Variants in CEP97 observed in about 807,000 individuals in gnomAD.
CEP97 encodes the protein centrosomal protein 97.
CEP97 carries 43 observed loss-of-function variants against 73.1 expected under a neutral mutation model. The ratio of observed to expected loss-of-function variants is 0.59; its 90% CI spans 0.46 to 0.76. The LOEUF (loss-of-function observed/expected upper bound fraction) is 0.76, where lower values mean the gene tolerates loss of function less well. CEP97 is among the 30% of genes least tolerant of loss of function. The pLI is 0.00. For synonymous variants in CEP97, 337 were observed against 370.0 expected (o/e 0.91, Z 1.02); for missense variants, 939 against 1,014.0 (o/e 0.93, Z 1.00).
Position 101,731,929 on chromosome 3 carries a change from AAATG to A in CEP97, c.540_543del (p.Asn180LysfsTer5), listed in dbSNP as rs1560009017. 1 of 1,604,244 alleles carries A rather than the reference AAATG, an allele frequency of 6.2e-7. No individual in the cohort carries two copies. The highest frequency in any genetic ancestry group is 2.2e-5 in the East Asian group (1 of 44,798). On this transcript the variant is annotated frameshift_variant, in exon 5 of 11. Coordinates refer to ENST00000341893, the MANE Select transcript of CEP97 (RefSeq NM_024548.4). LOFTEE classifies it high-confidence loss of function. The stretch of plus-strand genomic sequence containing the variant: ...GTCTTGCTATACTTTCTTTGGCAGA[AAATG>A]AAATCCGAGACTTAAATGAGGTAAA...
At chr3:101,741,682 G>C (rs1938459026) in intron 6 of CEP97, among the ~76,000 whole-genome samples, 1 of 152,138 alleles carries the variant, frequency 6.6e-6, no homozygotes, top group Admixed American at 6.6e-5. Flanking sequence ...CTGGTCATTA[G>C]AGAAATGCAA....
At chr3:101,755,642 CCT>C in intron 7 of CEP97, 48 bp downstream of exon 7, 1 of 1,574,910 alleles carries the variant, frequency 6.3e-7, no homozygotes, top group East Asian at 2.2e-5. Context: ...AGTTAAAATA[CCT>C]CTGAGTCTTT....
Position 101,726,814 on chromosome 3 carries a change from A to G in CEP97, c.186+78A>G. On this transcript the variant is annotated intron_variant, in intron 2 of 10. Transcript: ENST00000341893. ...AAAACAATAAAATAACCTGACAAAAAGTAACTGTGCAGCCCTAGCAAGCAG... is the reference window on the plus strand; with the variant it reads ...AAAACAATAAAATAACCTGACAAAAGGTAACTGTGCAGCCCTAGCAAGCAG... The G allele has an allele frequency of 4.5e-6, 5 of 1,113,138 alleles. No homozygotes were observed. In the South Asian group the frequency reaches 8.3e-5, roughly 18 times the overall value. The allele number at this position is 1,113,138 out of a possible 1,614,324, so 69.0% of individuals were successfully genotyped here. A position where few individuals can be genotyped will look rare whatever the true frequency, so the allele number is the denominator to read the frequency against.
At chr3:101,760,553 G>A (rs2611840) in intron 9 of CEP97, among the ~76,000 whole-genome samples, 149,427 of 152,138 alleles carry the variant, frequency 0.98, 73,424 homozygotes, top group East Asian at 0.99. Flanking sequence ...GATTTTATAT[G>A]TTTTTTGAGA....
chr3:101,753,810 C>T (rs1326515913), intron 6 of CEP97, among the ~76,000 whole-genome samples: 1 of 152,200 alleles, frequency 6.6e-6, no homozygotes, highest in African/African-American at 2.4e-5. Flanking sequence ...ATCTGTCACC[C>T]CTTTCTTTGA....
chr3:101,732,958 CA>C (rs35126588), intron 6 of CEP97, among the ~76,000 whole-genome samples: 208 of 133,656 alleles, frequency 1.6e-3, no homozygotes, highest in Admixed American at 1.7e-3. Context: ...GACCACATCT[CA>C]AAAAAAAAAA....
intron 6 of CEP97, among the ~76,000 whole-genome samples, chr3:101,738,135 A>G (rs976065720): frequency 6.6e-6 from 1 of 152,150 alleles, no homozygotes; most frequent in Admixed American, 6.6e-5. Flanking sequence ...GATCAATGGA[A>G]CAAGAAGAGC....
chr3:101,733,423 T>A (rs1022801243), intron 6 of CEP97, among the ~76,000 whole-genome samples: 7 of 152,172 alleles, frequency 4.6e-5, no homozygotes, highest in African/African-American at 1.4e-4. Context: ...ATCTTAGAAT[T>A]CTCCAAATAC....
At chr3:101,730,955 A>ATTT (rs531615738) in intron 4 of CEP97, among the ~76,000 whole-genome samples, 2 of 139,520 alleles carry the variant, frequency 1.4e-5, no homozygotes, top group African/African-American at 2.6e-5. Context: ...AGATGATTGA[A>ATTT]TTTTTTTTTT....
intron 3 of CEP97, 150 bp from the exon 4 acceptor site, chr3:101,728,686 A>G: frequency 1.6e-6 from 1 of 610,198 alleles, no homozygotes; most frequent in East Asian, 2.8e-5. Context: ...AAATTCTGTT[A>G]GTACTGCCCC....
chr3:101,758,570 C>G (rs932385990), intron 9 of CEP97, 147 bp downstream of exon 9: 1 of 946,840 alleles, frequency 1.1e-6, no homozygotes, highest in Non-Finnish European at 1.6e-6. Context: ...TACAGTGTAC[C>G]GAAAGCATCT....
At chr3:101,732,112 T>C (rs1938132680) in intron 5 of CEP97, among the ~76,000 whole-genome samples, 159 bp downstream of exon 5, 1 of 152,204 alleles carries the variant, frequency 6.6e-6, no homozygotes, top group Non-Finnish European at 1.5e-5. Flanking sequence ...TTCCTTAGTG[T>C]CAGTGGGTCA....
chr3:101,726,835 AG>A, intron 2 of CEP97, 99 bp downstream of exon 2: 1 of 845,222 alleles, frequency 1.2e-6, no homozygotes, highest in Non-Finnish European at 1.8e-6. Flanking sequence ...AGCCCTAGCA[AG>A]CAGTCATTGT....
chr3:101,753,047 G>A (rs1308054541), intron 6 of CEP97, among the ~76,000 whole-genome samples: 1 of 152,168 alleles, frequency 6.6e-6, no homozygotes, highest in Non-Finnish European at 1.5e-5. Context: ...GGTCTTCGAT[G>A]ATGGTGATGT....
At chr3:101,730,962 T>C (rs1013607587) in intron 4 of CEP97, among the ~76,000 whole-genome samples, 55 of 152,006 alleles carry the variant, frequency 3.6e-4, no homozygotes, top group Non-Finnish European at 5.4e-4. Flanking sequence ...TGAATTTTTT[T>C]TTTTTTTTTT....
rs747865055 is a variant in CEP97, at chr3:101,758,160, A to G, written c.1554A>G (p.Pro518=). ...AGAAACAATCAGACATAAAGAAACC[A>G]GAAAATACACAACCAGAAAATAAAG... ...TEQKQSDIKK[P]ENTQPENKET... Residue 518 remains proline, a synonymous_variant, in exon 9 of 11, where the codon CCA becomes CCG. Coordinates refer to ENST00000341893, the MANE Select transcript of CEP97 (RefSeq NM_024548.4). The G allele has an allele frequency of 8.7e-6, 14 of 1,613,720 alleles. No homozygotes were observed. Among genetic ancestry groups the G allele is most frequent in the African/African-American group, 1.3e-5 (1 of 74,948 alleles).
chr3:101,737,882 G>C (rs1048861565), intron 6 of CEP97, among the ~76,000 whole-genome samples: 2 of 151,946 alleles, frequency 1.3e-5, no homozygotes, highest in South Asian at 2.1e-4. Context: ...CCAATTAAAA[G>C]ACATAGACTG....
chr3:101,760,443 G>A (rs1201480133), intron 9 of CEP97, among the ~76,000 whole-genome samples: 2 of 152,180 alleles, frequency 1.3e-5, no homozygotes, highest in African/African-American at 2.4e-5. Context: ...ATTTGGTTCA[G>A]CCAGGAATGA....
chr3:101,748,328 A>T (rs909950534), intron 6 of CEP97, among the ~76,000 whole-genome samples: 1 of 152,000 alleles, frequency 6.6e-6, no homozygotes, highest in African/African-American at 2.4e-5. Context: ...ATCAGATCTT[A>T]TAGCAGTTGA....
Sources: allele counts gnomAD v4.1 joint callset (sites outside exome capture counted in the v4.1 genomes callset), GRCh38; gene constraint gnomAD v4.1.1; transcripts MANE v1.5; gene names NCBI Gene and HGNC (gene_info 2026-07-23, HGNC 2026-07-21).